The following TTLL8 variants were observed in gnomAD, a reference collection of about 807,000 sequenced individuals.
TTLL8 encodes the protein tubulin tyrosine ligase like 8.
TTLL8 carries 65 observed loss-of-function variants against 77.8 expected under a neutral mutation model. That is an observed-to-expected ratio of 0.84 (90% CI 0.68 to 1.03). The LOEUF (loss-of-function observed/expected upper bound fraction) is 1.03, where lower values mean the gene tolerates loss of function less well. Ranked by LOEUF, TTLL8 falls within the 50% of genes least tolerant of loss-of-function variation. The pLI is 0.00. For missense variants in TTLL8, 910 were observed against 1,004.5 expected, an observed-to-expected ratio of 0.91 and a Z score of 1.27; for synonymous variants, 402 against 422.8, an observed-to-expected ratio of 0.95 and a Z score of 0.60.
rs1406380068 is a variant in TTLL8, at chr22:50,034,203, G to C, written c.1039+142C>G. 7 of 1,087,834 alleles carry C rather than the reference G, an allele frequency of 6.4e-6. No homozygotes were observed. Among genetic ancestry groups the C allele is most frequent in the Non-Finnish European group, 8.3e-6 (7 of 847,306 alleles). The allele number at this position is 1,087,834 out of a possible 1,614,324, so 67.4% of individuals were successfully genotyped here. A position where few individuals can be genotyped will look rare whatever the true frequency, so the allele number is the denominator to read the frequency against. Reference sequence around the variant, plus strand: ...AGCTCTGCTCCAGCGCCTGAGTCCTGACCCCCACGCCTGCCTCGGCGTTCT... The same window carrying C: ...AGCTCTGCTCCAGCGCCTGAGTCCTCACCCCCACGCCTGCCTCGGCGTTCT... On this transcript the variant is annotated intron_variant, in intron 9 of 13. Transcript: ENST00000266182. This position sits in a 1 kb window ranked among gnomAD's most constrained non-coding sequence, Gnocchi z 4.1.
rs1288353551 is a variant in TTLL8 at position 50,037,863 on chromosome 22, A to G, written c.921+3324T>C. Among the ~76,000 whole-genome samples, 3 of 152,156 alleles carry G rather than the reference A, an allele frequency of 2.0e-5. 1 individual carries two copies. Among genetic ancestry groups the G allele is most frequent in the Admixed American group, 1.3e-4 (2 of 15,272 alleles). On this transcript the variant is annotated intron_variant, in intron 8 of 13. Coordinates refer to ENST00000266182, the Ensembl canonical transcript of TTLL8. ...CTCTTCTTAAATCATTCATATTTCT[A>G]TATAAATCAGTTCATTAATTCCTCC...
At position 50,045,527 on chromosome 22, in the gene TTLL8, C is replaced by T. The variant is rs1055841729; in HGVS notation, c.509-138G>A. Reference sequence around the variant, plus strand: ...GATGGGGCCCAGGCCTGCTCCCACACCCCCAGTCTGCCTGCCCTTCTCCCT... The same window carrying T: ...GATGGGGCCCAGGCCTGCTCCCACATCCCCAGTCTGCCTGCCCTTCTCCCT... On this transcript the variant is annotated intron_variant, in intron 5 of 13. Transcript: ENST00000266182. 4.1e-6 allele frequency: 3 copies of T among 735,298 alleles called. No homozygotes were observed. The African/African-American group carries it at 5.4e-5, about 13-fold the overall frequency. The allele number at this position is 735,298 out of a possible 1,614,324, so 45.5% of individuals were successfully genotyped here.
upstream of TTLL8, among the ~76,000 whole-genome samples, chr22:50,055,570 G>A (rs773294383): frequency 2.2e-4 from 34 of 151,344 alleles, no homozygotes; most frequent in Non-Finnish European, 1.6e-4. Context: ...CAGGCGAATC[G>A]CTTGAATCCA....
intron 12 of TTLL8, among the ~76,000 whole-genome samples, chr22:50,025,704 G>A (rs57258598): frequency 0.046 from 6,958 of 152,144 alleles, 208 homozygotes; most frequent in African/African-American, 0.081. Flanking sequence ...CTAACCAAAG[G>A]CAAGCAACCT....
chr22:50,033,145 A>C lies in TTLL8; in HGVS notation c.1283+57T>G. On this transcript the variant is annotated intron_variant, in intron 10 of 13. Transcript: ENST00000266182. ...GCTTCTCACTGCGGCTGCTCCAGGC[A>C]TGCAGGCAGCAGCCCATTCCCTGGC... 3.9e-6 allele frequency: 5 copies of C among 1,288,254 alleles called. No homozygotes were observed. The South Asian group carries it at 6.3e-5, about 16-fold the overall frequency. 79.8% of individuals were successfully genotyped at this position (1,288,254 alleles called of 1,614,324 possible).
intron 1 of TTLL8, chr22:50,054,554 A>C: frequency 4.4e-6 from 1 of 227,208 alleles, no homozygotes; most frequent in Admixed American, 4.4e-5. Context: ...CCCTAAGGGG[A>C]GCTGGGGTGT....
intron 12 of TTLL8, among the ~76,000 whole-genome samples, chr22:50,028,765 C>A (rs9628274): frequency 1.5e-3 from 49 of 31,832 alleles, no homozygotes; most frequent in East Asian, 5.2e-3. Flanking sequence ...CCCCACATAC[C>A]CTCGTAAAGA....
At chr22:50,050,118 G>T (rs117334902) in exon 2 of TTLL8, 6 of 1,366,748 alleles carry the variant, frequency 4.4e-6, no homozygotes, top group Non-Finnish European at 4.9e-6. Flanking sequence ...CCATTGACCC[G>T]GGCGCCTTCA....
upstream of TTLL8, chr22:50,055,239 T>C (rs1168777728): frequency 9.3e-6 from 12 of 1,289,404 alleles, no homozygotes; most frequent in Non-Finnish European, 1.2e-5. Flanking sequence ...TTTACCTTGA[T>C]TGCTTTTTCT....
chr22:50,046,782 T>G (rs983932992), intron 4 of TTLL8, among the ~76,000 whole-genome samples: 4 of 152,180 alleles, frequency 2.6e-5, no homozygotes, highest in African/African-American at 9.7e-5. Flanking sequence ...GGCAAGCTGC[T>G]TTGTGCAGGG....
rs117164721 is a variant in TTLL8 at position 50,033,709 on chromosome 22, A to T, written c.1040-264T>A. ...AGACCCCAGAGGGGACACAGAGATC[A>T]GTGAAGGGGCAGGGACAGAGACACT... On this transcript the variant is annotated intron_variant, in intron 9 of 13. Transcript: ENST00000266182. 7.5e-4 allele frequency among the ~76,000 whole-genome samples: 115 copies of T among 152,342 alleles called. 1 individual carries two copies. Among genetic ancestry groups the T allele is most frequent in the Non-Finnish European group, 1.4e-3 (94 of 68,016 alleles).
chr22:50,030,819 G>A (rs778396884), exon 12 of TTLL8: 5 of 1,347,880 alleles, frequency 3.7e-6, no homozygotes, highest in Middle Eastern at 4.2e-4. Flanking sequence ...CAGCGAGGCC[G>A]AGGCCTTGAG....
In TTLL8 at chr22:50,041,267, C is replaced by T; in HGVS notation, c.841G>A (p.Gly281Arg). The change falls in exon 8 of 14, where the codon GGG becomes AGG. Residue 281 changes from glycine to arginine, a missense_variant. Physicochemically the swap from Gly to Arg is moderately radical, Grantham distance 125 (BLOSUM62 -2). Transcript: ENST00000266182. The surrounding 1 kb of genome is among the most constrained non-coding windows in gnomAD (Gnocchi z 4.3). Reference sequence around the variant, plus strand: ...AAGATGCACAAGACAATGCTACTCCCCAAAGGCACCCTGAGGGGGTATCAT... The same window carrying T: ...AAGATGCACAAGACAATGCTACTCCTCAAAGGCACCCTGAGGGGGTATCAT... The T allele has an allele frequency of 2.0e-6, 1 of 505,508 alleles. No homozygotes were observed. Among genetic ancestry groups the T allele is most frequent in the Non-Finnish European group, 4.0e-6 (1 of 250,936 alleles). The allele number at this position is 505,508 out of a possible 1,614,324, so 31.3% of individuals were successfully genotyped here.
In TTLL8 at chr22:50,044,626, G is replaced by A. The variant is rs1569230849; in HGVS notation, c.643+629C>T. Among the ~76,000 whole-genome samples, 1 of 152,156 alleles carries A rather than the reference G, an allele frequency of 6.6e-6. No individual in the cohort carries two copies. The highest frequency in any genetic ancestry group is 1.5e-5 in the Non-Finnish European group (1 of 68,034). On this transcript the variant is annotated intron_variant, in intron 6 of 13. Coordinates refer to ENST00000266182, the Ensembl canonical transcript of TTLL8. The surrounding 1 kb of genome is among the most constrained non-coding windows in gnomAD (Gnocchi z 4.2). Reference sequence around the variant, plus strand: ...CTCAAATACACTCTAAAAGTTTAATGCGCCAATGTTCATCTGTCAACAGTC... The same window carrying A: ...CTCAAATACACTCTAAAAGTTTAATACGCCAATGTTCATCTGTCAACAGTC...
rs1461843841 is a variant in TTLL8 at position 50,029,809 on chromosome 22, C to T, written c.2203+621G>A. Among the ~76,000 whole-genome samples, 5 of 152,326 alleles carry T rather than the reference C, an allele frequency of 3.3e-5. No homozygotes were observed. In the South Asian group the frequency reaches 1.0e-3, roughly 32 times the overall value. On this transcript the variant is annotated intron_variant, in intron 12 of 13. Coordinates refer to ENST00000266182, the Ensembl canonical transcript of TTLL8. ...ACGCCCTCGCGAGGACCCCCCACCG[C>T]GCCGTCCTGAAGACCCCCACGCGGG...
intron 2 of TTLL8, 102 bp downstream of exon 4, chr22:50,050,007 C>A: frequency 8.0e-7 from 1 of 1,256,954 alleles, no homozygotes; most frequent in Non-Finnish European, 1.0e-6. Context: ...TCACGCACAC[C>A]AGGGCCGAGG....
At chr22:50,022,136 GAC>G in intron 12 of TTLL8, among the ~76,000 whole-genome samples, 1 of 145,732 alleles carries the variant, frequency 6.9e-6, no homozygotes, top group Non-Finnish European at 1.5e-5. Context: ...TCCTCCATCT[GAC>G]ATGCACTCCT....
intron 3 of TTLL8, 182 bp downstream of exon 5, chr22:50,049,067 C>T: frequency 3.6e-6 from 3 of 833,934 alleles, no homozygotes; most frequent in South Asian, 5.5e-5. Context: ...CCGAAGGGCT[C>T]GCCCCACCCC....
At chr22:50,049,275 T>C (rs765428109) in exon 3 of TTLL8, 1 of 1,367,704 alleles carries the variant, frequency 7.3e-7, no homozygotes, top group Admixed American at 1.9e-5. Context: ...TTGTCTGTTT[T>C]CTCCAAAGCC....
Sources: gnomAD v4.1 joint callset for allele counts (sites outside exome capture counted in the v4.1 genomes callset) on GRCh38, gnomAD v4.1.1 for gene constraint, Gnocchi (gnomAD v3.1) non-coding constraint, MANE v1.5 for transcripts, NCBI Gene and HGNC (gene_info 2026-07-23, HGNC 2026-07-21) for gene names.